DPP10: variants seen among roughly 807,000 people sequenced by gnomAD.
The protein encoded by DPP10 is inactive dipeptidyl peptidase 10.
A neutral mutation model predicts 120.9 loss-of-function variants in DPP10; 33 were observed. That is an observed-to-expected ratio of 0.27 (90% CI 0.21 to 0.37). The LOEUF (loss-of-function observed/expected upper bound fraction) is 0.37, where lower values mean the gene tolerates loss of function less well. Among genes scored for constraint, DPP10 ranks in the 10% least tolerant of loss-of-function variants. The pLI is 1.00. For synonymous variants in DPP10, 337 were observed against 326.1 expected, an observed-to-expected ratio of 1.03 and a Z score of -0.36; for missense variants, 816 against 942.8, an observed-to-expected ratio of 0.87 and a Z score of 1.76.
At chr2:115,272,588 A>G (rs1217137388) in intron 1 of DPP10, among the ~76,000 whole-genome samples, 1 of 152,268 alleles carries the variant, frequency 6.6e-6, no homozygotes, top group Non-Finnish European at 1.5e-5. Flanking sequence ...GTTCTTCAGT[A>G]CAAGTTAGAT....
chr2:114,974,417 CTTTTTTT>C (rs36001857), intron 1 of DPP10, among the ~76,000 whole-genome samples: 1 of 131,578 alleles, frequency 7.6e-6, no homozygotes, highest in Admixed American at 8.0e-5. Context: ...CCTTTTTATC[CTTTTTTT>C]TTTTTTTTTT....
chr2:114,738,455 A>G (rs1257983228), intron 1 of DPP10, among the ~76,000 whole-genome samples: 3 of 152,170 alleles, frequency 2.0e-5, no homozygotes, highest in Non-Finnish European at 4.4e-5. Context: ...TCAGTGACTT[A>G]ATAATGGATA....
chr2:115,747,694 C>T lies in DPP10; in HGVS notation c.950+1511C>T, dbSNP rs962006249. ...CTACAAGCTCCGCCTCCCAGGTTCA[C>T]GCCATTCTCTTGCCTCAGCCTACTG... On this transcript the variant is annotated intron_variant, in intron 10 of 25. Transcript: ENST00000410059. 1.1e-4 allele frequency among the ~76,000 whole-genome samples: 16 copies of T among 150,638 alleles called. No homozygotes were observed. The East Asian group carries it at 2.4e-3, about 23-fold the overall frequency.
intron 1 of DPP10, among the ~76,000 whole-genome samples, chr2:115,057,167 T>C (rs1243291359): frequency 6.6e-6 from 1 of 152,168 alleles, no homozygotes. Context: ...TTCTTAACTC[T>C]CTTAGATATG....
At chr2:115,071,327 A>G (rs780245591) in intron 1 of DPP10, among the ~76,000 whole-genome samples, 3 of 152,150 alleles carry the variant, frequency 2.0e-5, no homozygotes, top group Non-Finnish European at 4.4e-5. Flanking sequence ...CATACAAAGC[A>G]GTGCATGTAG....
intron 1 of DPP10, among the ~76,000 whole-genome samples, chr2:115,252,886 C>G (rs1205842755): frequency 6.6e-6 from 1 of 152,130 alleles, no homozygotes; most frequent in African/African-American, 2.4e-5. Context: ...AGTTGTTAAC[C>G]AAGATTTTTA....
chr2:114,984,969 T>C (rs1345321747), intron 1 of DPP10, among the ~76,000 whole-genome samples: 1 of 152,146 alleles, frequency 6.6e-6, no homozygotes, highest in East Asian at 1.9e-4. Flanking sequence ...GTTTTTAAAT[T>C]AGAAATGAGA....
chr2:115,598,054 T>C (rs1469455522), intron 5 of DPP10, among the ~76,000 whole-genome samples: 1 of 152,082 alleles, frequency 6.6e-6, no homozygotes, highest in African/African-American at 2.4e-5. Context: ...AAGTCTATTT[T>C]ATTTGATATT....
At chr2:114,588,364 T>C (rs1387476741) in intron 1 of DPP10, among the ~76,000 whole-genome samples, 1 of 152,234 alleles carries the variant, frequency 6.6e-6, no homozygotes, top group East Asian at 1.9e-4. Flanking sequence ...CATTTACGAA[T>C]GTTCATGAAG....
intron 1 of DPP10, among the ~76,000 whole-genome samples, chr2:114,730,957 C>T (rs1313150684): frequency 2.3e-4 from 34 of 149,820 alleles, no homozygotes; most frequent in Non-Finnish European, 4.6e-4. Flanking sequence ...GCCAGAAAGT[C>T]TGCTAGCTGA....
Position 115,321,554 on chromosome 2 carries a change from A to G in DPP10, c.175+12201A>G, listed in dbSNP as rs75053324. 3.5e-3 allele frequency among the ~76,000 whole-genome samples: 507 copies of G among 144,944 alleles called. 3 individuals are homozygous for G. The highest frequency in any genetic ancestry group is 0.013 in the African/African-American group (495 of 38,958). The stretch of plus-strand genomic sequence containing the variant: ...TTTGAGTTTGTTGAACTTCTTGAAC[A>G]TATAGTTCTATGTCCTTTGCCAAAT... On this transcript the variant is annotated intron_variant, in intron 2 of 25. Transcript: ENST00000410059.
intron 1 of DPP10, among the ~76,000 whole-genome samples, chr2:115,107,284 T>C (rs1446746237): frequency 6.6e-6 from 1 of 151,916 alleles, no homozygotes; most frequent in East Asian, 1.9e-4. Flanking sequence ...ATTAAGTATA[T>C]ACAAAACTGA....
chr2:114,784,347 A>G (rs1300571307), intron 1 of DPP10, among the ~76,000 whole-genome samples: 1 of 152,104 alleles, frequency 6.6e-6, no homozygotes, highest in East Asian at 1.9e-4. Flanking sequence ...CTTCCTTTAG[A>G]ACTGAAGGCA....
intron 1 of DPP10, among the ~76,000 whole-genome samples, chr2:115,122,315 A>G (rs2049865809): frequency 6.6e-6 from 1 of 152,334 alleles, no homozygotes; most frequent in Middle Eastern, 3.4e-3. Flanking sequence ...ATCAGAGTGA[A>G]CAGGGTTTCC....
At chr2:114,794,882 G>C (rs753703579) in intron 1 of DPP10, among the ~76,000 whole-genome samples, 13 of 152,122 alleles carry the variant, frequency 8.5e-5, no homozygotes, top group Non-Finnish European at 1.9e-4. Context: ...TGATGAAATG[G>C]ATTAATAATA....
chr2:114,891,857 G>A (rs939218826), intron 1 of DPP10, among the ~76,000 whole-genome samples: 1 of 152,212 alleles, frequency 6.6e-6, no homozygotes, highest in Non-Finnish European at 1.5e-5. Flanking sequence ...CTGCACTGAT[G>A]TTCTAATAGC....
intron 1 of DPP10, among the ~76,000 whole-genome samples, chr2:115,067,291 G>C (rs1281351890): frequency 6.6e-6 from 1 of 151,658 alleles, no homozygotes; most frequent in Admixed American, 6.6e-5. Context: ...TGGCTCTGTC[G>C]CCCAGGCTGG....
At chr2:115,483,851 A>C (rs1296777495) in intron 3 of DPP10, among the ~76,000 whole-genome samples, 1 of 152,076 alleles carries the variant, frequency 6.6e-6, no homozygotes, top group African/African-American at 2.4e-5. Flanking sequence ...GCGTATATCT[A>C]TATCTTCTCA....
chr2:115,363,470 C>T (rs529737584), intron 3 of DPP10, among the ~76,000 whole-genome samples: 6 of 152,240 alleles, frequency 3.9e-5, no homozygotes, highest in African/African-American at 1.2e-4. Flanking sequence ...TAAGGCCCAA[C>T]CAACCACCAA....
Sources: gnomAD v4.1 joint callset for allele counts (sites outside exome capture counted in the v4.1 genomes callset) on GRCh38, gnomAD v4.1.1 for gene constraint, MANE v1.5 for transcripts, NCBI Gene and HGNC (gene_info 2026-07-23, HGNC 2026-07-21) for gene names.